The following SMYD3 variants were observed in gnomAD, a reference collection of about 807,000 sequenced individuals.
SMYD3 encodes histone-lysine N-methyltransferase SMYD3.
A neutral mutation model predicts 57.7 loss-of-function variants in SMYD3; 36 were observed. That is an observed-to-expected ratio of 0.62 (90% confidence interval 0.48 to 0.82). SMYD3 has a LOEUF of 0.82. Among genes scored for constraint, SMYD3 ranks in the 40% least tolerant of loss-of-function variants. SMYD3 has a pLI of 0.00. For synonymous variants in SMYD3, 211 were observed against 195.0 expected, an observed-to-expected ratio of 1.08 and a Z score of -0.68; for missense variants, 515 against 538.8, an observed-to-expected ratio of 0.96 and a Z score of 0.44.
At chr1:245,894,005 G>A (rs2053571637) in intron 8 of SMYD3, among the ~76,000 whole-genome samples, 2 of 152,206 alleles carry the variant, frequency 1.3e-5, no homozygotes, top group African/African-American at 4.8e-5. Context: ...TGATATGGTT[G>A]TAGAGAGAAA....
chr1:246,328,928 A>G (rs2065408310), intron 4 of SMYD3, among the ~76,000 whole-genome samples: 1 of 150,844 alleles, frequency 6.6e-6, no homozygotes, highest in Non-Finnish European at 1.5e-5. Flanking sequence ...CCTACGAGTG[A>G]GAATATGCGG....
intron 5 of SMYD3, among the ~76,000 whole-genome samples, chr1:246,013,464 G>A (rs1024734941): frequency 1.3e-5 from 2 of 152,212 alleles, no homozygotes; most frequent in African/African-American, 4.8e-5. Flanking sequence ...ACAGGCATGA[G>A]CCACTGCACC....
At chr1:246,236,571 C>T (rs944825550) in intron 5 of SMYD3, among the ~76,000 whole-genome samples, 4 of 152,104 alleles carry the variant, frequency 2.6e-5, no homozygotes, top group Admixed American at 6.6e-5. Context: ...CCTGCCACCA[C>T]GCCTGGTTAA....
intron 5 of SMYD3, among the ~76,000 whole-genome samples, chr1:245,981,477 T>C (rs1270487868): frequency 6.6e-6 from 1 of 152,244 alleles, no homozygotes; most frequent in Non-Finnish European, 1.5e-5. Context: ...TCTATGTATA[T>C]ACATTTACAT....
intron 1 of SMYD3, among the ~76,000 whole-genome samples, chr1:246,399,291 T>C (rs752685897): frequency 6.6e-6 from 1 of 152,166 alleles, no homozygotes; most frequent in Non-Finnish European, 1.5e-5. Context: ...CCCAAAGTGC[T>C]GGGATTACAG....
intron 5 of SMYD3, among the ~76,000 whole-genome samples, chr1:245,939,436 C>T (rs1006346740): frequency 2.6e-5 from 4 of 152,012 alleles, no homozygotes; most frequent in South Asian, 2.1e-4. Flanking sequence ...CCAGCCTGGC[C>T]AATATGGTGA....
intron 5 of SMYD3, among the ~76,000 whole-genome samples, chr1:245,941,193 G>A (rs770261624): frequency 7.2e-5 from 11 of 152,174 alleles, no homozygotes; most frequent in Non-Finnish European, 1.2e-4. Flanking sequence ...ACGAATGATT[G>A]GGGTACCTGA....
At chr1:245,771,774 T>C (rs1470405175) in intron 10 of SMYD3, among the ~76,000 whole-genome samples, 12 of 152,192 alleles carry the variant, frequency 7.9e-5, no homozygotes, top group African/African-American at 2.4e-4. Context: ...ATGGAAGTTA[T>C]TTATGCCTTT....
chr1:246,161,604 G>A (rs538077303), intron 5 of SMYD3, among the ~76,000 whole-genome samples: 3 of 152,188 alleles, frequency 2.0e-5, no homozygotes, highest in South Asian at 2.1e-4. Context: ...CTTTCTCCGC[G>A]AATAGATGTA....
chr1:245,971,981 G>C (rs887637907), intron 5 of SMYD3, among the ~76,000 whole-genome samples: 3 of 152,130 alleles, frequency 2.0e-5, no homozygotes, highest in Non-Finnish European at 4.4e-5. Context: ...ACGCTGTACA[G>C]AGTCTAGTCA....
At chr1:246,249,340 G>C (rs2063762547) in intron 5 of SMYD3, among the ~76,000 whole-genome samples, 1 of 151,608 alleles carries the variant, frequency 6.6e-6, no homozygotes, top group South Asian at 2.1e-4. Context: ...CTGACCTTAA[G>C]TGATCCGCCC....
At chr1:246,230,368 C>T (rs151172193) in intron 5 of SMYD3, among the ~76,000 whole-genome samples, 85 of 152,252 alleles carry the variant, frequency 5.6e-4, no homozygotes, top group African/African-American at 2.0e-3. Context: ...TGCATAAACA[C>T]ATTCAAGAAA....
At chr1:246,193,480 C>T (rs1379952675) in intron 5 of SMYD3, among the ~76,000 whole-genome samples, 1 of 152,182 alleles carries the variant, frequency 6.6e-6, no homozygotes, top group Non-Finnish European at 1.5e-5. Flanking sequence ...GACTAAGTCC[C>T]TACGACAAAA....
At chr1:246,213,453 T>C (rs59418901) in intron 5 of SMYD3, among the ~76,000 whole-genome samples, 40,416 of 152,078 alleles carry the variant, frequency 0.27, 6,110 homozygotes, top group East Asian at 0.58. Context: ...GCACATATGA[T>C]CTTTGAGAAA....
chr1:246,496,606 T>C (rs1216800403), intron 1 of SMYD3, among the ~76,000 whole-genome samples: 1 of 152,078 alleles, frequency 6.6e-6, no homozygotes, highest in African/African-American at 2.4e-5. Context: ...TGCAGGTGAA[T>C]TGCTTGAGCC....
At chr1:245,829,402 C>A (rs184325431) in intron 10 of SMYD3, among the ~76,000 whole-genome samples, 96 of 152,174 alleles carry the variant, frequency 6.3e-4, no homozygotes, top group African/African-American at 2.2e-3. Flanking sequence ...GATGAGACAA[C>A]AGGCAAATTC....
chr1:246,381,346 A>C (rs1320480839), intron 1 of SMYD3, among the ~76,000 whole-genome samples: 4 of 152,238 alleles, frequency 2.6e-5, no homozygotes, highest in Admixed American at 2.6e-4. Flanking sequence ...AATAAAAACA[A>C]AACCTATTAT....
chr1:246,442,158 C>T (rs10924731), intron 1 of SMYD3, among the ~76,000 whole-genome samples: 11,557 of 152,224 alleles, frequency 0.076, 759 homozygotes, highest in African/African-American at 0.18. Flanking sequence ...TTGAGTCATA[C>T]CATGAAGTAC....
At chr1:245,766,310 G>T (rs897350354) in intron 10 of SMYD3, among the ~76,000 whole-genome samples, 2 of 148,778 alleles carry the variant, frequency 1.3e-5, no homozygotes, top group Non-Finnish European at 3.0e-5. Context: ...GGCTGAGGCA[G>T]AAATGCTTGA....
Sources: gnomAD v4.1 joint callset for allele counts (sites outside exome capture counted in the v4.1 genomes callset) on GRCh38, gnomAD v4.1.1 for gene constraint, MANE v1.5 for transcripts, NCBI Gene and HGNC (gene_info 2026-07-23, HGNC 2026-07-21) for gene names.